KIAA1549: variants seen among roughly 807,000 people sequenced by gnomAD.
KIAA1549 encodes the protein UPF0606 protein KIAA1549.
KIAA1549 carries 70 observed loss-of-function variants against 156.4 expected under a neutral mutation model. That is an observed-to-expected ratio of 0.45 (90% CI 0.37 to 0.55). The LOEUF is 0.55. Among genes scored for constraint, KIAA1549 ranks in the 20% least tolerant of loss-of-function variants. KIAA1549 has a pLI of 0.00. For synonymous variants in KIAA1549, 1,103 were observed against 1,066.4 expected (o/e 1.03, Z -0.67); for missense variants, 2,428 against 2,540.9 (o/e 0.96, Z 0.96).
At chr7:138,907,697 G>T (rs748132973) in intron 5 of KIAA1549, among the ~76,000 whole-genome samples, 1 of 152,158 alleles carries the variant, frequency 6.6e-6, no homozygotes, top group Non-Finnish European at 1.5e-5. Flanking sequence ...CCACACCCAG[G>T]CCAACAGAGG....
Position 138,879,714 on chromosome 7 carries a change from C to T in KIAA1549, c.4230-61G>A, listed in dbSNP as rs1584725696. 4 of 1,133,344 alleles carry T rather than the reference C, an allele frequency of 3.5e-6. No homozygotes were observed. In the East Asian group the frequency reaches 7.8e-5, roughly 22 times the overall value. 70.2% of individuals were successfully genotyped at this position (1,133,344 alleles called of 1,614,324 possible). ...AAGAAAGAATGAAAAGGAAAAAGTC[C>T]CATTAATTTGTGTGTGGAAGTCAGG... On this transcript the variant is annotated intron_variant, in intron 11 of 19. Transcript: ENST00000422774.
chr7:138,893,131 C>T (rs1402723109), intron 10 of KIAA1549, among the ~76,000 whole-genome samples: 1 of 152,124 alleles, frequency 6.6e-6, no homozygotes, highest in African/African-American at 2.4e-5. Flanking sequence ...CTGATGTGAC[C>T]CTCGAATACT....
chr7:138,871,357 G>GC lies in KIAA1549; in HGVS notation c.4350_4351insG (p.Pro1451AlafsTer8). 1 of 1,534,160 alleles carries GC rather than the reference G, an allele frequency of 6.5e-7. No homozygotes were observed. Among genetic ancestry groups the GC allele is most frequent in the Non-Finnish European group, 8.8e-7 (1 of 1,142,402 alleles). ...TGCTCATTTCCCGAACTGGGCAGTGGTGGCCCTGGAACAGAAGGAAAAGCA... is the reference window on the plus strand; with the variant it reads ...TGCTCATTTCCCGAACTGGGCAGTGGCTGGCCCTGGAACAGAAGGAAAAGCA... On this transcript the variant is annotated frameshift_variant, in exon 13 of 20. Coordinates refer to ENST00000422774, the MANE Select transcript of KIAA1549 (RefSeq NM_001164665.2). LOFTEE classifies it high-confidence loss of function.
intron 10 of KIAA1549, among the ~76,000 whole-genome samples, chr7:138,894,129 T>C (rs1233725504): frequency 1.3e-5 from 2 of 152,230 alleles, no homozygotes; most frequent in African/African-American, 2.4e-5. Flanking sequence ...TAGGCTTTTA[T>C]ACAGTTTCAC....
At chr7:138,934,993 C>T (rs544877495) in intron 1 of KIAA1549, among the ~76,000 whole-genome samples, 2 of 152,190 alleles carry the variant, frequency 1.3e-5, no homozygotes, top group Admixed American at 6.5e-5. Flanking sequence ...CAGAACTGGG[C>T]GCTGTTCTAT....
At chr7:138,900,298 T>C (rs1420017442) in intron 8 of KIAA1549, among the ~76,000 whole-genome samples, 1 of 152,244 alleles carries the variant, frequency 6.6e-6, no homozygotes, top group African/African-American at 2.4e-5. Context: ...CTGTTCTTTA[T>C]GCTTCGTCCT....
Position 138,895,352 on chromosome 7 carries a change from G to A in KIAA1549, c.3848-826C>T, listed in dbSNP as rs370248393. Among the ~76,000 whole-genome samples the A allele has an allele frequency of 6.6e-5, 10 of 152,170 alleles. No individual in the cohort carries two copies. In the East Asian group the frequency reaches 1.2e-3, roughly 18 times the overall value. ...TGATGTTCGTAGCAGCGCTATTCACGACAGCCTAAAAGATGAAAAGAACTC... is the reference window on the plus strand; with the variant it reads ...TGATGTTCGTAGCAGCGCTATTCACAACAGCCTAAAAGATGAAAAGAACTC... On this transcript the variant is annotated intron_variant, in intron 9 of 19. Coordinates refer to ENST00000422774, the MANE Select transcript of KIAA1549 (RefSeq NM_001164665.2).
At chr7:138,913,525 G>A (rs956212197) in intron 2 of KIAA1549, among the ~76,000 whole-genome samples, 15 of 151,994 alleles carry the variant, frequency 9.9e-5, no homozygotes, top group African/African-American at 3.6e-4. Flanking sequence ...TGCAGAATTA[G>A]AATACACTTG....
chr7:138,881,853 G>A (rs1382940014), intron 10 of KIAA1549, among the ~76,000 whole-genome samples: 5 of 152,228 alleles, frequency 3.3e-5, no homozygotes, highest in African/African-American at 1.2e-4. Flanking sequence ...CATACCATGT[G>A]CCATGTGGCA....
At chr7:138,910,697 C>G (rs541015635) in intron 4 of KIAA1549, among the ~76,000 whole-genome samples, 1 of 122,952 alleles carries the variant, frequency 8.1e-6, no homozygotes, top group African/African-American at 3.4e-5. Context: ...CGCACTTGGT[C>G]TAATTTTTTT....
chr7:138,917,314 G>C lies in KIAA1549; in HGVS notation c.2312C>G (p.Pro771Arg), dbSNP rs772399364. The C allele has an allele frequency of 3.7e-6, 6 of 1,613,870 alleles. No individual in the cohort carries two copies. In the South Asian group the frequency reaches 6.6e-5, roughly 18 times the overall value. Reference sequence around the variant, plus strand: ...AATGTCAAAAGACTCAGAGCCGGGGGGCACCAGTGCAGTGACTGCGGATTC... The same window carrying C: ...AATGTCAAAAGACTCAGAGCCGGGGCGCACCAGTGCAGTGACTGCGGATTC... ...SHESAVTALV[P>R]PGSESFDILT... The change falls in exon 2 of 20, where the codon CCC becomes CGC. Residue 771 changes from proline to arginine, a missense_variant. Coordinates refer to ENST00000422774, the MANE Select transcript of KIAA1549 (RefSeq NM_001164665.2).
At chr7:138,840,861 G>A (rs913433690) in intron 18 of KIAA1549, among the ~76,000 whole-genome samples, 2 of 151,880 alleles carry the variant, frequency 1.3e-5, no homozygotes, top group Admixed American at 6.5e-5. Flanking sequence ...CAACTGTTTT[G>A]GAAACACCCT....
At position 138,917,101 on chromosome 7, in the gene KIAA1549, G is replaced by GC. The variant is rs1812350624; in HGVS notation, c.2524dup (p.Ala842GlyfsTer12). On this transcript the variant is annotated frameshift_variant, in exon 2 of 20. Coordinates refer to ENST00000422774, the MANE Select transcript of KIAA1549 (RefSeq NM_001164665.2). LOFTEE classifies it high-confidence loss of function. Reference sequence around the variant, plus strand: ...AAACGAGGATCCTGATGGCAGGTACGCGTCAGTGATCAACACCGTACCAGT... The same window carrying GC: ...AAACGAGGATCCTGATGGCAGGTACGCCGTCAGTGATCAACACCGTACCAGT... The GC allele has an allele frequency of 1.9e-6, 3 of 1,610,616 alleles. No homozygotes were observed. Among genetic ancestry groups the GC allele is most frequent in the Non-Finnish European group, 2.5e-6 (3 of 1,178,440 alleles).
intron 15 of KIAA1549, among the ~76,000 whole-genome samples, chr7:138,866,866 G>A (rs1471319298): frequency 6.6e-5 from 10 of 152,090 alleles, no homozygotes; most frequent in Non-Finnish European, 1.2e-4. Flanking sequence ...GCAGTGGTGC[G>A]ATCAAAGCTC....
chr7:138,889,684 C>T (rs1248516358), intron 10 of KIAA1549, among the ~76,000 whole-genome samples: 1 of 152,166 alleles, frequency 6.6e-6, no homozygotes, highest in Non-Finnish European at 1.5e-5. Flanking sequence ...TTGATTCTGA[C>T]CAAAGTCTTT....
chr7:138,878,024 A>T, intron 12 of KIAA1549, among the ~76,000 whole-genome samples: 1 of 152,262 alleles, frequency 6.6e-6, no homozygotes, highest in East Asian at 1.9e-4. Flanking sequence ...TCCAAGGATC[A>T]AAACGAGATT....
Position 138,869,769 on chromosome 7 carries a change from A to T in KIAA1549, c.4552-8T>A, listed in dbSNP as rs1376302784. On this transcript the variant is annotated splice_polypyrimidine_tract_variant and splice_region_variant and intron_variant, in intron 13 of 19. Transcript: ENST00000422774. ...CCGCAGCGCGGTCTGAATCTGAGGA[A>T]GGGTGAGGGAGAGAAAGACAGCCAT... The T allele has an allele frequency of 6.2e-7, 1 of 1,602,194 alleles. No homozygotes were observed.
intron 2 of KIAA1549, among the ~76,000 whole-genome samples, chr7:138,915,332 G>C (rs1812285763): frequency 1.3e-5 from 2 of 152,074 alleles, no homozygotes; most frequent in Non-Finnish European, 2.9e-5. Flanking sequence ...GCTGCTCACA[G>C]GAGGGCCGTG....
At chr7:138,944,162 G>A (rs2718138) in intron 1 of KIAA1549, among the ~76,000 whole-genome samples, 86,262 of 151,446 alleles carry the variant, frequency 0.57, 27,823 homozygotes, top group African/African-American at 0.89. Context: ...ATTGTACAAT[G>A]GATCTCTTGA....
Sources: gnomAD v4.1 joint callset for allele counts (sites outside exome capture counted in the v4.1 genomes callset) on GRCh38, gnomAD v4.1.1 for gene constraint, MANE v1.5 for transcripts, NCBI Gene and HGNC (gene_info 2026-07-23, HGNC 2026-07-21) for gene names.